The following CCDC171 variants were observed in gnomAD, a reference collection of about 807,000 sequenced individuals.
The protein encoded by CCDC171 is coiled-coil domain-containing protein 171.
Under a neutral mutation model 168.2 loss-of-function variants are expected in CCDC171, and 177 were observed. The ratio of observed to expected loss-of-function variants is 1.05; its 90% CI spans 0.93 to 1.19. The LOEUF is 1.19. Among genes scored for constraint, CCDC171 ranks in the 50% most tolerant of loss-of-function variants. The pLI is 0.00. For synonymous variants in CCDC171, 687 were observed against 540.8 expected (o/e 1.27, Z -3.75); for missense variants, 1,991 against 1,539.0 (o/e 1.29, Z -4.91).
chr9:16,011,937 C>G (rs1832880157), intron 3 of CCDC171, among the ~76,000 whole-genome samples: 1 of 152,204 alleles, frequency 6.6e-6, no homozygotes, highest in Non-Finnish European at 1.5e-5. Flanking sequence ...CTGGGACATC[C>G]TGGTGACTCA....
chr9:16,081,113 C>G, the CCDC171 span, among the ~76,000 whole-genome samples: 3 of 152,296 alleles, frequency 2.0e-5, no homozygotes, highest in South Asian at 6.2e-4. Context: ...TTCAGACACG[C>G]CATCAGAGCC....
At chr9:16,090,155 G>A in the CCDC171 span, among the ~76,000 whole-genome samples, 3 of 152,144 alleles carry the variant, frequency 2.0e-5, no homozygotes, top group Admixed American at 1.3e-4. Flanking sequence ...CAATAGCAAC[G>A]ATTTGGAACT....
intron 18 of CCDC171, among the ~76,000 whole-genome samples, chr9:15,763,643 G>A (rs2056570053): frequency 6.6e-6 from 1 of 152,148 alleles, no homozygotes; most frequent in Non-Finnish European, 1.5e-5. Context: ...CTTAGGTGAG[G>A]CCAAATTTCT....
chr9:15,773,859 C>T (rs2057148970), intron 18 of CCDC171, among the ~76,000 whole-genome samples: 1 of 152,152 alleles, frequency 6.6e-6, no homozygotes, highest in African/African-American at 2.4e-5. Flanking sequence ...AGACAACCCA[C>T]AGAGTGGGAG....
chr9:15,871,487 T>A lies in CCDC171; in HGVS notation c.3469-3045T>A, dbSNP rs564933606. On this transcript the variant is annotated intron_variant, in intron 23 of 25. Coordinates refer to ENST00000380701, the MANE Select transcript of CCDC171 (RefSeq NM_173550.4). Reference sequence around the variant, plus strand: ...TAAACTTTTCCTTTTAGGAAAAAAATAATTTGACTATTCTAATATTACTTC... The same window carrying A: ...TAAACTTTTCCTTTTAGGAAAAAAAAAATTTGACTATTCTAATATTACTTC... Among the ~76,000 whole-genome samples the A allele has an allele frequency of 4.0e-5, 6 of 149,258 alleles. No individual in the cohort carries two copies. In the South Asian group the frequency reaches 1.1e-3, roughly 27 times the overall value.
chr9:15,782,498 T>C (rs894389409), intron 20 of CCDC171, among the ~76,000 whole-genome samples: 5 of 152,106 alleles, frequency 3.3e-5, no homozygotes, highest in African/African-American at 9.7e-5. Context: ...AGGGGAAATT[T>C]TGGAGGATTG....
At chr9:15,590,856 T>C (rs1395981113) in intron 4 of CCDC171, among the ~76,000 whole-genome samples, 4 of 151,370 alleles carry the variant, frequency 2.6e-5, no homozygotes, top group Non-Finnish European at 5.9e-5. Flanking sequence ...TCTTTCTTTT[T>C]TCTTTCTTTC....
chr9:15,693,814 A>T lies in CCDC171; in HGVS notation c.1216-1421A>T, dbSNP rs556803333. ...TTCTCATATATTAAATAAAAACAAA[A>T]CTCTTCTCTGACCCTTCCCTCCTTT... On this transcript the variant is annotated intron_variant, in intron 10 of 25. Coordinates refer to ENST00000380701, the MANE Select transcript of CCDC171 (RefSeq NM_173550.4). Among the ~76,000 whole-genome samples the T allele has an allele frequency of 1.4e-3, 218 of 151,954 alleles. 8 individuals carry two copies. The South Asian group carries it at 0.044, about 31-fold the overall frequency.
chr9:15,665,272 G>A (rs907583876), intron 8 of CCDC171, among the ~76,000 whole-genome samples: 1 of 152,072 alleles, frequency 6.6e-6, no homozygotes, highest in Non-Finnish European at 1.5e-5. Context: ...GACTACAGGC[G>A]CCGGCTGCCT....
intron 24 of CCDC171, chr9:15,886,293 T>A (rs539905042): frequency 1.3e-5 from 2 of 152,264 alleles, no homozygotes; most frequent in South Asian, 2.1e-4. Flanking sequence ...ATAACTTTTT[T>A]AAAAAATGGG....
At chr9:15,795,520 C>T (rs1229533133) in intron 21 of CCDC171, among the ~76,000 whole-genome samples, 1 of 152,088 alleles carries the variant, frequency 6.6e-6, no homozygotes, top group African/African-American at 2.4e-5. Context: ...TAAAGAGGAC[C>T]AAAACACCAA....
In CCDC171 at chr9:15,729,610, A is replaced by T. The variant is rs747140426; in HGVS notation, c.1861A>T (p.Ile621Leu). ...IADLNRANEK[I>L]RHLEYICKNK... ...TTCTCTGTTGCATCTCCCCGTATAG[A>T]TAAGGCATCTAGAGTATATCTGTAA... The change falls in exon 16 of 26, where the codon ATA (isoleucine) becomes TTA (leucine). Residue 621 changes from isoleucine to leucine, a missense_variant and splice_region_variant. Ile to Leu is a conservative substitution (Grantham distance 5). Coordinates refer to ENST00000380701, the MANE Select transcript of CCDC171 (RefSeq NM_173550.4). 1.2e-5 allele frequency: 20 copies of T among 1,603,386 alleles called. No homozygotes were observed. In the South Asian group the frequency reaches 2.1e-4, roughly 17 times the overall value.
intron 2 of CCDC171, among the ~76,000 whole-genome samples, chr9:15,566,768 TTTTTCTTCTATG>T (rs1406723402): frequency 6.6e-6 from 1 of 152,170 alleles, no homozygotes; most frequent in Non-Finnish European, 1.5e-5. Context: ...GTCATGAAGA[TTTTTCTTCTATG>T]TTTTCTTCTA....
chr9:15,721,656 G>A (rs1291576024), intron 11 of CCDC171, 113 bp from the exon 12 acceptor site: 1 of 428,888 alleles, frequency 2.3e-6, no homozygotes, highest in Non-Finnish European at 4.2e-6. Flanking sequence ...AGTATTAATA[G>A]TTTCATAACG....
intron 21 of CCDC171, among the ~76,000 whole-genome samples, chr9:15,810,391 G>C (rs764649484): frequency 1.3e-4 from 20 of 152,036 alleles, no homozygotes; most frequent in African/African-American, 4.8e-4. Context: ...CCCACACTGT[G>C]TGCCTGCACT....
chr9:15,629,714 A>G (rs1162896658), intron 7 of CCDC171, among the ~76,000 whole-genome samples: 1 of 152,210 alleles, frequency 6.6e-6, no homozygotes, highest in Admixed American at 6.5e-5. Context: ...CAACTCTAAG[A>G]CACATAATTG....
At chr9:15,902,210 CT>C (rs1821770787) in intron 24 of CCDC171, among the ~76,000 whole-genome samples, 1 of 150,414 alleles carries the variant, frequency 6.6e-6, no homozygotes, top group Non-Finnish European at 1.5e-5. Flanking sequence ...GAATTATGGA[CT>C]TTTTTTCTCA....
At chr9:15,623,497 A>ACACACACG (rs1273685237) in intron 7 of CCDC171, 84 bp downstream of exon 7, 5 of 664,706 alleles carry the variant, frequency 7.5e-6, no homozygotes, top group Non-Finnish European at 9.5e-6. Context: ...ACACACACAC[A>ACACACACG]CACACACACA....
At chr9:15,667,157 AAT>A (rs2048790377) in intron 9 of CCDC171, among the ~76,000 whole-genome samples, 1 of 152,184 alleles carries the variant, frequency 6.6e-6, no homozygotes, top group African/African-American at 2.4e-5. Context: ...ATAATGCATT[AAT>A]ATGTTTCCAA....
Sources: gnomAD v4.1 joint callset for allele counts (sites outside exome capture counted in the v4.1 genomes callset) on GRCh38, gnomAD v4.1.1 for gene constraint, MANE v1.5 for transcripts, NCBI Gene and HGNC (gene_info 2026-07-23, HGNC 2026-07-21) for gene names.